PAMR1: variants seen among roughly 807,000 people sequenced by gnomAD.
The protein encoded by PAMR1 is inactive serine protease PAMR1.
Under a neutral mutation model 81.8 loss-of-function variants are expected in PAMR1, and 88 were observed. The observed-to-expected ratio is 1.08, with a 90% CI of 0.91 to 1.28. The LOEUF is 1.28. Ranked by LOEUF, PAMR1 falls within the 50% of genes most tolerant of loss-of-function variation. PAMR1 has a pLI of 0.00. For missense variants in PAMR1, 935 were observed against 919.7 expected, an observed-to-expected ratio of 1.02 and a Z score of -0.21; for synonymous variants, 336 against 345.3, an observed-to-expected ratio of 0.97 and a Z score of 0.30.
At chr11:35,462,031 T>C (rs146455945) in intron 6 of PAMR1, among the ~76,000 whole-genome samples, 2,558 of 150,078 alleles carry the variant, frequency 0.017, 31 homozygotes, top group Non-Finnish European at 0.026. Flanking sequence ...TCTGAAGTCT[T>C]GATTGCTCCT....
At chr11:35,521,978 A>G (rs898610997) in intron 1 of PAMR1, among the ~76,000 whole-genome samples, 2 of 151,620 alleles carry the variant, frequency 1.3e-5, no homozygotes, top group African/African-American at 4.8e-5. Flanking sequence ...GCTGGAGTGC[A>G]GTGGCGCGAT....
chr11:35,446,200 G>T (rs1360993702), intron 6 of PAMR1, among the ~76,000 whole-genome samples: 1 of 151,988 alleles, frequency 6.6e-6, no homozygotes, highest in Non-Finnish European at 1.5e-5. Context: ...TTTATATTGT[G>T]TCTATTTGAT....
intron 1 of PAMR1, among the ~76,000 whole-genome samples, chr11:35,502,544 G>A (rs568036642): frequency 4.8e-4 from 73 of 152,096 alleles, no homozygotes; most frequent in Non-Finnish European, 8.8e-4. Flanking sequence ...GTTTGCTGAG[G>A]ATAATGGCTT....
chr11:35,438,470 A>G (rs754822369), intron 8 of PAMR1, among the ~76,000 whole-genome samples: 2 of 152,224 alleles, frequency 1.3e-5, no homozygotes, highest in Non-Finnish European at 2.9e-5. Context: ...TCAAAAGAAA[A>G]AACTAAGGCT....
chr11:35,465,397 A>AAAAG (rs887667346), intron 6 of PAMR1, among the ~76,000 whole-genome samples: 8 of 152,226 alleles, frequency 5.3e-5, no homozygotes, highest in Admixed American at 2.0e-4. Flanking sequence ...TCCTAATTTC[A>AAAAG]AAAGAATTCC....
chr11:35,492,995 T>C (rs977777874), intron 2 of PAMR1, among the ~76,000 whole-genome samples: 19 of 152,228 alleles, frequency 1.2e-4, no homozygotes, highest in Non-Finnish European at 2.6e-4. Flanking sequence ...TGTCCTCATT[T>C]GTCAAACTGG....
chr11:35,493,159 T>C (rs1307782064), intron 2 of PAMR1, among the ~76,000 whole-genome samples: 1 of 152,178 alleles, frequency 6.6e-6, no homozygotes, highest in Non-Finnish European at 1.5e-5. Context: ...TCACCATCCA[T>C]AGAGCTTCTA....
intron 1 of PAMR1, among the ~76,000 whole-genome samples, chr11:35,501,671 T>C (rs1850847127): frequency 6.6e-6 from 1 of 152,156 alleles, no homozygotes; most frequent in South Asian, 2.1e-4. Context: ...CACATATGAG[T>C]AAGAACACGC....
intron 3 of PAMR1, among the ~76,000 whole-genome samples, chr11:35,486,675 A>G (rs1232067005): frequency 1.3e-5 from 2 of 152,224 alleles, no homozygotes; most frequent in Non-Finnish European, 2.9e-5. Context: ...AGATTTGACC[A>G]GTAGGTGCTA....
intron 6 of PAMR1, among the ~76,000 whole-genome samples, chr11:35,454,143 C>T (rs917167289): frequency 6.6e-6 from 1 of 152,200 alleles, no homozygotes; most frequent in East Asian, 1.9e-4. Context: ...ACAATGAACA[C>T]TTAAGTCTCC....
intron 1 of PAMR1, among the ~76,000 whole-genome samples, chr11:35,496,231 C>A (rs1435444540): frequency 3.9e-5 from 6 of 152,160 alleles, no homozygotes; most frequent in Non-Finnish European, 8.8e-5. Context: ...TTAGACATGA[C>A]ACCAAAAGCA....
At chr11:35,497,190 T>C (rs1218146101) in intron 1 of PAMR1, among the ~76,000 whole-genome samples, 1 of 151,752 alleles carries the variant, frequency 6.6e-6, no homozygotes, top group East Asian at 1.9e-4. Flanking sequence ...TAATAACAAA[T>C]AATATAAAAA....
At chr11:35,515,668 A>C (rs1851149290) in intron 1 of PAMR1, among the ~76,000 whole-genome samples, 1 of 152,148 alleles carries the variant, frequency 6.6e-6, no homozygotes, top group Non-Finnish European at 1.5e-5. Context: ...ATAAGACATT[A>C]TCCCTCACAT....
At chr11:35,502,244 T>TTTAA (rs971549265) in intron 1 of PAMR1, among the ~76,000 whole-genome samples, 4 of 151,176 alleles carry the variant, frequency 2.6e-5, no homozygotes, top group African/African-American at 4.9e-5. Flanking sequence ...CATTTTTAAA[T>TTTAA]TTAATTAATT....
At chr11:35,516,432 A>C (rs1851165137) in intron 1 of PAMR1, among the ~76,000 whole-genome samples, 1 of 152,226 alleles carries the variant, frequency 6.6e-6, no homozygotes, top group South Asian at 2.1e-4. Flanking sequence ...TGAAAAGATC[A>C]TAGTTTCCCA....
At chr11:35,526,755 G>T (rs576877229), upstream of PAMR1, among the ~76,000 whole-genome samples, 1 of 152,272 alleles carries the variant, frequency 6.6e-6, no homozygotes, top group East Asian at 1.9e-4. Flanking sequence ...TTCACCATTT[G>T]ATATGGCTTC....
At chr11:35,455,208 T>C (rs761814058) in intron 6 of PAMR1, among the ~76,000 whole-genome samples, 11 of 152,238 alleles carry the variant, frequency 7.2e-5, no homozygotes, top group Non-Finnish European at 1.5e-4. Context: ...ATGATGATAG[T>C]GATATCAGGG....
chr11:35,515,005 A>T (rs1286812035), intron 1 of PAMR1, among the ~76,000 whole-genome samples: 1 of 152,226 alleles, frequency 6.6e-6, no homozygotes, highest in East Asian at 1.9e-4. Context: ...ATCCAGTCTC[A>T]AAAAGAAATA....
intron 5 of PAMR1, 138 bp from the exon 6 acceptor site, chr11:35,468,246 T>C: frequency 1.7e-6 from 1 of 584,602 alleles, no homozygotes; most frequent in Non-Finnish European, 3.1e-6. Context: ...GAATTCATGT[T>C]ATGATTATTT....
Sources: allele counts gnomAD v4.1 joint callset (sites outside exome capture counted in the v4.1 genomes callset), GRCh38; gene constraint gnomAD v4.1.1; transcripts MANE v1.5; gene names NCBI Gene and HGNC (gene_info 2026-07-23, HGNC 2026-07-21).